Variants in PRKCE observed in about 807,000 individuals in gnomAD.
PRKCE encodes protein kinase C epsilon.
In PRKCE, 16 loss-of-function variants were observed where a neutral mutation model predicts 85.4. The observed-to-expected ratio is 0.19, with a 90% CI of 0.13 to 0.28. PRKCE has a LOEUF of 0.28. Ranked by LOEUF, PRKCE falls within the 10% of genes least tolerant of loss-of-function variation. PRKCE has a pLI of 1.00. For missense variants in PRKCE, 573 were observed against 975.2 expected, an observed-to-expected ratio of 0.59 and a Z score of 5.49; for synonymous variants, 388 against 371.5, an observed-to-expected ratio of 1.04 and a Z score of -0.51.
chr2:46,048,116 C>T (rs1449341200), intron 10 of PRKCE, among the ~76,000 whole-genome samples: 1 of 152,176 alleles, frequency 6.6e-6, no homozygotes, highest in Admixed American at 6.5e-5. Context: ...CCCTCCCACC[C>T]CCTGCCCCTT....
intron 10 of PRKCE, among the ~76,000 whole-genome samples, chr2:46,043,626 T>A (rs1708346337): frequency 6.6e-6 from 1 of 152,094 alleles, no homozygotes; most frequent in South Asian, 2.1e-4. Context: ...GCAGTGGGGA[T>A]GTGGTAGAGG....
chr2:46,066,956 G>A (rs1667673738), intron 10 of PRKCE, among the ~76,000 whole-genome samples: 1 of 152,188 alleles, frequency 6.6e-6, no homozygotes, highest in Non-Finnish European at 1.5e-5. Context: ...TCAAAGTGAT[G>A]ACATTGTATT....
In PRKCE at chr2:45,684,892, G is replaced by A. The variant is rs541632421; in HGVS notation, c.348+32444G>A. ...GTGTGGCTGGCAGGGGGCTGGCAGT[G>A]TGCACCAGAAAGAGGAAACAGAAGG... is the stretch of plus-strand genomic sequence containing the variant. On this transcript the variant is annotated intron_variant, in intron 1 of 14. Coordinates refer to ENST00000306156, the MANE Select transcript of PRKCE (RefSeq NM_005400.3). Among the ~76,000 whole-genome samples the A allele has an allele frequency of 5.9e-5, 9 of 152,304 alleles. No homozygotes were observed. The South Asian group carries it at 1.9e-3, about 32-fold the overall frequency.
At chr2:45,814,535 G>A (rs372087027) in intron 1 of PRKCE, among the ~76,000 whole-genome samples, 116 of 152,306 alleles carry the variant, frequency 7.6e-4, no homozygotes, top group African/African-American at 2.6e-3. Flanking sequence ...TGAAAACCAG[G>A]AAGGCAAATA....
chr2:46,068,949 T>C lies in PRKCE; in HGVS notation c.1438-17259T>C, dbSNP rs1667846839. Among the ~76,000 whole-genome samples the C allele has an allele frequency of 6.6e-6, 1 of 152,214 alleles. No homozygotes were observed. The highest frequency in any genetic ancestry group is 1.5e-5 in the Non-Finnish European group (1 of 68,030). ...GCATTACCTGGGAGCCTCTTAGAAA[T>C]GCAGGATTTCCGGTCCCAACTTAGA... On this transcript the variant is annotated intron_variant, in intron 10 of 14. Coordinates refer to ENST00000306156, the MANE Select transcript of PRKCE (RefSeq NM_005400.3). This position sits in a 1 kb window ranked among gnomAD's most constrained non-coding sequence, Gnocchi z 4.3.
At chr2:45,930,959 G>C (rs1480699782) in intron 2 of PRKCE, among the ~76,000 whole-genome samples, 1 of 152,208 alleles carries the variant, frequency 6.6e-6, no homozygotes, top group Non-Finnish European at 1.5e-5. Context: ...ATGGCGTGCT[G>C]CTGTTGGGCA....
intron 2 of PRKCE, among the ~76,000 whole-genome samples, chr2:45,844,499 C>A (rs192489671): frequency 7.9e-5 from 12 of 152,164 alleles, no homozygotes. Context: ...GTGTGCCCAC[C>A]GCCCCAATTA....
intron 1 of PRKCE, among the ~76,000 whole-genome samples, chr2:45,695,334 G>A (rs886712558): frequency 2.0e-5 from 3 of 152,190 alleles, no homozygotes; most frequent in Non-Finnish European, 4.4e-5. Flanking sequence ...AGTCAGGCTG[G>A]AGGTAGAGAG....
At chr2:45,801,040 C>T (rs1009032317) in intron 1 of PRKCE, among the ~76,000 whole-genome samples, 1 of 151,954 alleles carries the variant, frequency 6.6e-6, no homozygotes, top group African/African-American at 2.4e-5. Flanking sequence ...AAGGGCATTC[C>T]AGGCAGGGGG....
intron 1 of PRKCE, among the ~76,000 whole-genome samples, chr2:45,839,645 T>G (rs1035948701): frequency 1.3e-5 from 2 of 152,188 alleles, no homozygotes; most frequent in African/African-American, 2.4e-5. Context: ...GCACTTACAT[T>G]GCATCATTAT....
At chr2:45,940,405 G>A (rs1699788563) in intron 2 of PRKCE, among the ~76,000 whole-genome samples, 1 of 152,182 alleles carries the variant, frequency 6.6e-6, no homozygotes. Context: ...TTTAATATTT[G>A]ATGTATGGAT....
At chr2:46,007,730 C>T (rs1705328806) in intron 9 of PRKCE, 69 bp downstream of exon 9, 3 of 1,497,704 alleles carry the variant, frequency 2.0e-6, no homozygotes, top group South Asian at 2.4e-5. Context: ...TCTGTTTGAT[C>T]TAAGATTGAG....
rs145368369 is a variant in PRKCE, at chr2:46,013,354, C to G, written c.1437+2837C>G. The stretch of plus-strand genomic sequence containing the variant: ...ACTGATAATAGATTGGGAGGTTATT[C>G]TAAATTCCACAAGCTAAGAGGGAGT... On this transcript the variant is annotated intron_variant, in intron 10 of 14. Coordinates refer to ENST00000306156, the MANE Select transcript of PRKCE (RefSeq NM_005400.3). Among the ~76,000 whole-genome samples, 278 of 152,288 alleles carry G rather than the reference C, an allele frequency of 1.8e-3. 1 individual carries two copies. The highest frequency in any genetic ancestry group is 6.2e-3 in the African/African-American group (256 of 41,552).
intron 10 of PRKCE, among the ~76,000 whole-genome samples, chr2:46,027,259 C>T (rs1369651605): frequency 1.3e-5 from 2 of 152,012 alleles, no homozygotes; most frequent in Non-Finnish European, 2.9e-5. Flanking sequence ...AGGTTGAGCC[C>T]AGGAGGTTGA....
chr2:45,951,979 T>C (rs1700653240), intron 2 of PRKCE, among the ~76,000 whole-genome samples: 1 of 152,214 alleles, frequency 6.6e-6, no homozygotes, highest in South Asian at 2.1e-4. Context: ...ATTACAGGCA[T>C]GTGCCACCAC....
At chr2:45,896,229 G>T (rs1696131385) in intron 2 of PRKCE, among the ~76,000 whole-genome samples, 1 of 152,172 alleles carries the variant, frequency 6.6e-6, no homozygotes, top group Non-Finnish European at 1.5e-5. Flanking sequence ...TGAAAGGCAT[G>T]GACTCTTTGC....
intron 1 of PRKCE, among the ~76,000 whole-genome samples, chr2:45,796,142 G>T (rs758641426): frequency 6.6e-6 from 1 of 152,058 alleles, no homozygotes; most frequent in African/African-American, 2.4e-5. Context: ...CTAATTCTTT[G>T]ATGTCTTCTC....
chr2:46,182,629 C>A (rs1226879351), intron 14 of PRKCE, among the ~76,000 whole-genome samples: 1 of 152,274 alleles, frequency 6.6e-6, no homozygotes, highest in South Asian at 2.1e-4. Flanking sequence ...AGAGAAGACA[C>A]CAGGCAGGAC....
rs1266647748 is a variant in PRKCE at position 45,932,883 on chromosome 2, T to G, written c.413-43546T>G. Among the ~76,000 whole-genome samples, 4 of 152,256 alleles carry G rather than the reference T, an allele frequency of 2.6e-5. No homozygotes were observed. The East Asian group carries it at 7.7e-4, about 29-fold the overall frequency. ...CATATAAGTGGAATTGGGCAGTATTTCTTTTTATGACTGGCTTATTTCACC... is the reference window on the plus strand; with the variant it reads ...CATATAAGTGGAATTGGGCAGTATTGCTTTTTATGACTGGCTTATTTCACC... On this transcript the variant is annotated intron_variant, in intron 2 of 14. Coordinates refer to ENST00000306156, the MANE Select transcript of PRKCE (RefSeq NM_005400.3).
Sources: allele counts gnomAD v4.1 joint callset (sites outside exome capture counted in the v4.1 genomes callset), GRCh38; gene constraint gnomAD v4.1.1; non-coding constraint Gnocchi (gnomAD v3.1); transcripts MANE v1.5; gene names NCBI Gene and HGNC (gene_info 2026-07-23, HGNC 2026-07-21).